TRAFD1: variants seen among roughly 807,000 people sequenced by gnomAD.
TRAFD1 encodes TRAF-type zinc finger domain containing 1.
In TRAFD1, 38 loss-of-function variants were observed where a neutral mutation model predicts 65.3. That is an observed-to-expected ratio of 0.58 (90% CI 0.45 to 0.76). TRAFD1 has a LOEUF of 0.76. Ranked by LOEUF, TRAFD1 falls within the 30% of genes least tolerant of loss-of-function variation. The pLI is 0.00. For synonymous variants in TRAFD1, 223 were observed against 257.2 expected, an observed-to-expected ratio of 0.87 and a Z score of 1.27; for missense variants, 631 against 712.6, an observed-to-expected ratio of 0.89 and a Z score of 1.30.
intron 8 of TRAFD1, chr12:112,149,477 CA>C (rs1375881975): frequency 3.2e-6 from 1 of 314,088 alleles, no homozygotes; most frequent in Non-Finnish European, 6.1e-6. Flanking sequence ...TCTTAAAAAA[CA>C]GAAAAAAAAA....
At chr12:112,145,907 A>G (rs1047137471) in intron 7 of TRAFD1, among the ~76,000 whole-genome samples, 2 of 151,768 alleles carry the variant, frequency 1.3e-5, no homozygotes, top group African/African-American at 4.8e-5. Context: ...TTCTCAGTAA[A>G]CTATCGCAAG....
At position 112,141,212 on chromosome 12, in the gene TRAFD1, C is replaced by G. The variant is rs2030081142; in HGVS notation, c.631C>G (p.Gln211Glu). ...QRNITAQVSI[Q>E]NNLFEEQERQ... is the part of the protein sequence containing the mutation. ...GAACATTACAGCCCAGGTTTCAATTCAGAATAATCTGTGTGAGTTGTGCTT... is the reference window on the plus strand; with the variant it reads ...GAACATTACAGCCCAGGTTTCAATTGAGAATAATCTGTGTGAGTTGTGCTT... Residue 211 changes from glutamine (Q) to glutamate (E), a missense_variant, in exon 5 of 12, where the codon CAG (glutamine) becomes GAG (glutamate). Coordinates refer to ENST00000412615, the MANE Select transcript of TRAFD1 (RefSeq NM_006700.3). 1.2e-6 allele frequency: 2 copies of G among 1,613,760 alleles called. No individual in the cohort carries two copies. Among genetic ancestry groups the G allele is most frequent in the African/African-American group, 1.3e-5 (1 of 74,908 alleles).
intron 1 of TRAFD1, among the ~76,000 whole-genome samples, chr12:112,127,793 C>G (rs2079548019): frequency 6.6e-6 from 1 of 151,588 alleles, no homozygotes; most frequent in Non-Finnish European, 1.5e-5. Flanking sequence ...GCAGGATGGT[C>G]TCGATCTCCT....
rs200216113 is a variant in TRAFD1 at position 112,142,074 on chromosome 12, G to T, written c.644-15G>T. 1.4e-3 allele frequency: 1,758 copies of T among 1,229,026 alleles called. 1 individual carries two copies. Among genetic ancestry groups the T allele is most frequent in the Non-Finnish European group, 1.7e-3 (1,511 of 889,840 alleles). The allele number at this position is 1,229,026 out of a possible 1,614,324, so 76.1% of individuals were successfully genotyped here. A position where few individuals can be genotyped will look rare whatever the true frequency, so the allele number is the denominator to read the frequency against. On this transcript the variant is annotated splice_polypyrimidine_tract_variant and intron_variant, in intron 5 of 11. Transcript: ENST00000412615. ...TCTAATGTATCCTGAATGTTGGTTGGTTTTTTTTTTTCAGTTGAAGAACAA... is the reference window on the plus strand; with the variant it reads ...TCTAATGTATCCTGAATGTTGGTTGTTTTTTTTTTTTCAGTTGAAGAACAA...
In TRAFD1 at chr12:112,140,805, C is replaced by T. The variant is rs1290681416; in HGVS notation, c.238-14C>T. The T allele has an allele frequency of 1.2e-6, 2 of 1,612,200 alleles. No individual in the cohort carries two copies. The highest frequency in any genetic ancestry group is 2.2e-5 in the South Asian group (2 of 91,044). On this transcript the variant is annotated splice_polypyrimidine_tract_variant and intron_variant, in intron 4 of 11. Transcript: ENST00000412615. The stretch of plus-strand genomic sequence containing the variant: ...AGATATGCATATTAACTGCCTCATT[C>T]CTCTGTTTTGTAGGAGACTGAGTGC...
At chr12:112,150,265 G>T (rs1291229523) in intron 9 of TRAFD1, among the ~76,000 whole-genome samples, 1 of 151,852 alleles carries the variant, frequency 6.6e-6, no homozygotes, top group Non-Finnish European at 1.5e-5. Flanking sequence ...TAATTTTTTT[G>T]TAGAGACAGA....
At chr12:112,134,979 A>C in intron 3 of TRAFD1, 34 bp from the exon 4 acceptor site, 1 of 1,614,186 alleles carries the variant, frequency 6.2e-7, no homozygotes, top group Non-Finnish European at 8.5e-7. Flanking sequence ...TATTGTCCCA[A>C]AGCCAATTTA....
chr12:112,133,797 C>T (rs1181990887), intron 2 of TRAFD1, among the ~76,000 whole-genome samples: 2 of 151,120 alleles, frequency 1.3e-5, no homozygotes, highest in African/African-American at 2.4e-5. Flanking sequence ...CTCTGCCTCC[C>T]GGGTTCAAGT....
chr12:112,152,223 G>A lies in TRAFD1; in HGVS notation c.1619+83G>A. 3 of 1,480,756 alleles carry A rather than the reference G, an allele frequency of 2.0e-6. No individual in the cohort carries two copies. The South Asian group carries it at 3.8e-5, about 19-fold the overall frequency. 91.7% of individuals were successfully genotyped at this position (1,480,756 alleles called of 1,614,324 possible). On this transcript the variant is annotated intron_variant, in intron 10 of 11. Transcript: ENST00000412615. This position sits in a 1 kb window ranked among gnomAD's most constrained non-coding sequence, Gnocchi z 5.0. Reference sequence around the variant, plus strand: ...AGGCCTGGTTACCCTTGCCAGGCCTGGGGTAAGACTGAGGTACTTGCATGG... The same window carrying A: ...AGGCCTGGTTACCCTTGCCAGGCCTAGGGTAAGACTGAGGTACTTGCATGG...
At chr12:112,128,825 G>A (rs1370776237) in intron 1 of TRAFD1, among the ~76,000 whole-genome samples, 2 of 152,186 alleles carry the variant, frequency 1.3e-5, no homozygotes, top group East Asian at 3.9e-4. Flanking sequence ...TGGATCATAT[G>A]AGGTCAGGAG....
chr12:112,137,205 A>G lies in TRAFD1; in HGVS notation c.237+2139A>G, dbSNP rs918054187. The stretch of plus-strand genomic sequence containing the variant: ...GCCATTGCACTCCAGCCTGGGTGAC[A>G]GGGTGAGACTCCATCTAAAACAAAC... On this transcript the variant is annotated intron_variant, in intron 4 of 11. Coordinates refer to ENST00000412615, the MANE Select transcript of TRAFD1 (RefSeq NM_006700.3). This position sits in a 1 kb window ranked among gnomAD's most constrained non-coding sequence, Gnocchi z 4.2. Among the ~76,000 whole-genome samples the G allele has an allele frequency of 6.6e-6, 1 of 152,214 alleles. No homozygotes were observed. The highest frequency in any genetic ancestry group is 1.5e-5 in the Non-Finnish European group (1 of 68,024).
chr12:112,139,662 A>C (rs1449391167), intron 4 of TRAFD1, among the ~76,000 whole-genome samples: 1 of 152,178 alleles, frequency 6.6e-6, no homozygotes, highest in African/African-American at 2.4e-5. Context: ...ACTTCAGGTG[A>C]TCTGCCTGCC....
intron 6 of TRAFD1, among the ~76,000 whole-genome samples, chr12:112,143,515 G>T (rs1370726316): frequency 6.6e-6 from 1 of 152,094 alleles, no homozygotes; most frequent in African/African-American, 2.4e-5. Context: ...GTGAGCCACT[G>T]CGCCCAGCCA....
Position 112,151,795 on chromosome 12 carries a change from T to A in TRAFD1, c.1280-6T>A, listed in dbSNP as rs752666303. 2.5e-6 allele frequency: 4 copies of A among 1,609,612 alleles called. No individual in the cohort carries two copies. The highest frequency in any genetic ancestry group is 3.4e-6 in the Non-Finnish European group (4 of 1,176,772). On this transcript the variant is annotated splice_polypyrimidine_tract_variant and splice_region_variant and intron_variant, in intron 9 of 11. Coordinates refer to ENST00000412615, the MANE Select transcript of TRAFD1 (RefSeq NM_006700.3). Reference sequence around the variant, plus strand: ...TCCTAAAGCTGTTACCATTTTCTCTTCTCAGGAGACCTGTCTTCTGGTTAC... The same window carrying A: ...TCCTAAAGCTGTTACCATTTTCTCTACTCAGGAGACCTGTCTTCTGGTTAC...
intron 2 of TRAFD1, among the ~76,000 whole-genome samples, chr12:112,133,894 C>T (rs918822837): frequency 6.7e-6 from 1 of 149,812 alleles, no homozygotes; most frequent in Non-Finnish European, 1.5e-5. Flanking sequence ...TTGGTAGAAG[C>T]GGGGTTTCAC....
chr12:112,140,915 C>T lies in TRAFD1; in HGVS notation c.334C>T (p.Arg112Trp), dbSNP rs141135769. The change falls in exon 5 of 12, where the codon CGG becomes TGG. Residue 112 changes from arginine (R) to tryptophan (W), a missense_variant. By Grantham distance (101) the Arg-to-Trp change is moderately radical (BLOSUM62 -3). Transcript: ENST00000412615. ...GGAACATGAAGATTATTGTGGTGCC[C>T]GGACGGAACTATGTGGCAACTGTGG... ...LKEHEDYCGA[R>W]TELCGNCGRN... is the part of the protein sequence containing the mutation. The T allele has an allele frequency of 1.4e-5, 22 of 1,613,964 alleles. No individual in the cohort carries two copies. Among genetic ancestry groups the T allele is most frequent in the Non-Finnish European group, 1.7e-5 (20 of 1,180,038 alleles).
intron 1 of TRAFD1, chr12:112,126,063 AG>A (rs1199415604): frequency 6.6e-6 from 1 of 152,268 alleles, no homozygotes; most frequent in African/African-American, 2.4e-5. Flanking sequence ...TGGAAAACTC[AG>A]GTGGCCTTCC....
Position 112,152,548 on chromosome 12 carries a change from T to G in TRAFD1, c.1692+49T>G. The G allele has an allele frequency of 6.2e-7, 1 of 1,609,920 alleles. No individual in the cohort carries two copies. Among genetic ancestry groups the G allele is most frequent in the South Asian group, 1.1e-5 (1 of 90,980 alleles). On this transcript the variant is annotated intron_variant, in intron 11 of 11. Coordinates refer to ENST00000412615, the MANE Select transcript of TRAFD1 (RefSeq NM_006700.3). This position sits in a 1 kb window ranked among gnomAD's most constrained non-coding sequence, Gnocchi z 5.0. ...TGCTCAGTGGGGGACTCAGACATGG[T>G]GGGGCTTGTGTGGCTCCTGAAGTTG... is the stretch of plus-strand genomic sequence containing the variant.
chr12:112,139,561 G>T (rs1048460820), intron 4 of TRAFD1, among the ~76,000 whole-genome samples: 3 of 151,686 alleles, frequency 2.0e-5, no homozygotes, highest in African/African-American at 7.3e-5. Context: ...GTAGCTGGGA[G>T]TACAGGTGAA....
Sources: allele counts gnomAD v4.1 joint callset (sites outside exome capture counted in the v4.1 genomes callset), GRCh38; gene constraint gnomAD v4.1.1; non-coding constraint Gnocchi (gnomAD v3.1); transcripts MANE v1.5; gene names NCBI Gene and HGNC (gene_info 2026-07-23, HGNC 2026-07-21).